Variants in LRRC37A2 observed in about 807,000 individuals in gnomAD.
The protein encoded by LRRC37A2 is leucine-rich repeat-containing protein 37A2.
LRRC37A2 carries 9 observed loss-of-function variants against 68.8 expected under a neutral mutation model. That is an observed-to-expected ratio of 0.13 (90% CI 0.08 to 0.23). The LOEUF is 0.23. Ranked by LOEUF, LRRC37A2 falls within the 10% of genes least tolerant of loss-of-function variation. The pLI is 1.00. For synonymous variants in LRRC37A2, 63 were observed against 367.6 expected, an observed-to-expected ratio of 0.17 and a Z score of 9.48; for missense variants, 168 against 950.4, an observed-to-expected ratio of 0.18 and a Z score of 10.82.
chr17:46,383,303 TCC>T, the LRRC37A2 span, among the ~76,000 whole-genome samples: 1 of 149,108 alleles, frequency 6.7e-6, no homozygotes, highest in South Asian at 2.2e-4. Flanking sequence ...TCAGAATGTA[TCC>T]CTATTGTTAA....
At chr17:46,895,267 G>C in the LRRC37A2 span, among the ~76,000 whole-genome samples, 2 of 152,366 alleles carry the variant, frequency 1.3e-5, no homozygotes, top group South Asian at 4.1e-4. Flanking sequence ...CCCCACAAGT[G>C]ACTTATAATA....
At chr17:46,898,728 T>C in the LRRC37A2 span, among the ~76,000 whole-genome samples, 7 of 152,170 alleles carry the variant, frequency 4.6e-5, no homozygotes, top group Admixed American at 4.6e-4. Flanking sequence ...AGTCAGACAA[T>C]TGCATATTTC....
At chr17:46,736,785 T>C in the LRRC37A2 span, among the ~76,000 whole-genome samples, 1 of 152,238 alleles carries the variant, frequency 6.6e-6, no homozygotes, top group Non-Finnish European at 1.5e-5. Context: ...CCTTGTTCTT[T>C]TTATGACTTA....
chr17:46,938,883 C>T, the LRRC37A2 span: 3 of 1,556,000 alleles, frequency 1.9e-6, no homozygotes, highest in Non-Finnish European at 2.6e-6. Flanking sequence ...TGTGAAGACA[C>T]TTGGGAGTGA....
At chr17:46,992,956 A>G in the LRRC37A2 span, among the ~76,000 whole-genome samples, 1 of 151,760 alleles carries the variant, frequency 6.6e-6, no homozygotes, top group Non-Finnish European at 1.5e-5. Context: ...AATGTGTAGC[A>G]TGTGACTCCT....
chr17:46,928,984 T>C, the LRRC37A2 span, among the ~76,000 whole-genome samples: 3 of 152,086 alleles, frequency 2.0e-5, no homozygotes, highest in African/African-American at 7.2e-5. Flanking sequence ...TTTATACTTA[T>C]GTGTATTGCT....
chr17:46,935,030 ACT>A, the LRRC37A2 span: 2 of 1,612,688 alleles, frequency 1.2e-6, no homozygotes, highest in African/African-American at 2.7e-5. Context: ...CTTTCACAGG[ACT>A]CTGACACCAC....
chr17:46,757,963 C>A, the LRRC37A2 span, among the ~76,000 whole-genome samples: 1 of 151,356 alleles, frequency 6.6e-6, no homozygotes, highest in South Asian at 2.1e-4. Context: ...CACTTGCACT[C>A]AGCCTGGGCA....
At chr17:46,879,921 G>A in the LRRC37A2 span, among the ~76,000 whole-genome samples, 2 of 152,242 alleles carry the variant, frequency 1.3e-5, no homozygotes, top group Non-Finnish European at 2.9e-5. Context: ...ACTCCAAGGG[G>A]TCCTTCTGCC....
the LRRC37A2 span, among the ~76,000 whole-genome samples, chr17:46,787,160 C>T: frequency 1.5e-4 from 23 of 151,994 alleles, no homozygotes; most frequent in African/African-American, 5.6e-4. Context: ...GGCTGGGTTT[C>T]GAACTCCTGG....
the LRRC37A2 span, among the ~76,000 whole-genome samples, chr17:46,844,991 G>T: frequency 6.6e-6 from 1 of 152,146 alleles, no homozygotes; most frequent in African/African-American, 2.4e-5. Context: ...GGGACTACCG[G>T]CATGCACCAC....
At chr17:46,897,003 G>T in the LRRC37A2 span, among the ~76,000 whole-genome samples, 1 of 152,190 alleles carries the variant, frequency 6.6e-6, no homozygotes, top group Non-Finnish European at 1.5e-5. Flanking sequence ...ACGTTCCTGA[G>T]GGGACTACAG....
At chr17:46,935,460 C>T in the LRRC37A2 span, 1 of 1,381,966 alleles carries the variant, frequency 7.2e-7, no homozygotes, top group Non-Finnish European at 9.3e-7. Flanking sequence ...TACGAGGGGT[C>T]CAATCACAGG....
the LRRC37A2 span, among the ~76,000 whole-genome samples, chr17:46,920,093 C>T: frequency 6.6e-6 from 1 of 152,324 alleles, no homozygotes; most frequent in East Asian, 1.9e-4. Flanking sequence ...AAGCTATTCC[C>T]TCAGCCTCAA....
chr17:46,846,547 T>G, the LRRC37A2 span, among the ~76,000 whole-genome samples: 1 of 152,116 alleles, frequency 6.6e-6, no homozygotes, highest in Non-Finnish European at 1.5e-5. Context: ...ACCAATGTGG[T>G]GAGTGAGCAG....
the LRRC37A2 span, among the ~76,000 whole-genome samples, chr17:46,784,944 T>G: frequency 6.6e-6 from 1 of 151,618 alleles, no homozygotes; most frequent in African/African-American, 2.4e-5. Context: ...CCCGGCTAAT[T>G]TTTTTGTATT....
At chr17:46,933,631 C>CTTTTTTTCTTTTTTTTTTTTTTT in the LRRC37A2 span, 2 of 134,746 alleles carry the variant, frequency 1.5e-5, 1 homozygote, top group African/African-American at 5.7e-5. Context: ...GTGGCATAAC[C>CTTTTTTTCTTTTTTTTTTTTTTT]TTTTTTTTTT....
the LRRC37A2 span, among the ~76,000 whole-genome samples, chr17:46,882,916 T>C: frequency 1.6e-4 from 24 of 152,036 alleles, no homozygotes; most frequent in African/African-American, 4.4e-4. Flanking sequence ...CACACAGGCA[T>C]TCCTGTGCAG....
At chr17:46,942,519 G>T in the LRRC37A2 span, among the ~76,000 whole-genome samples, 1 of 152,218 alleles carries the variant, frequency 6.6e-6, no homozygotes, top group Admixed American at 6.5e-5. Flanking sequence ...GCTCTGCTGG[G>T]GTCTGGGGGG....
Sources: gnomAD v4.1 joint callset for allele counts (sites outside exome capture counted in the v4.1 genomes callset) on GRCh38, gnomAD v4.1.1 for gene constraint, MANE v1.5 for transcripts, NCBI Gene and HGNC (gene_info 2026-07-23, HGNC 2026-07-21) for gene names.